The following PRKN variants were observed in gnomAD, a reference collection of about 807,000 sequenced individuals.
The protein encoded by PRKN is parkin RBR E3 ubiquitin protein ligase.
In PRKN, 56 loss-of-function variants were observed where a neutral mutation model predicts 59.5. The ratio of observed to expected loss-of-function variants is 0.94; its 90% CI spans 0.76 to 1.18. The LOEUF is 1.18. PRKN is among the 50% of genes most tolerant of loss of function. PRKN has a pLI of 0.00. For missense variants in PRKN, 657 were observed against 596.4 expected (o/e 1.10, Z -1.06); for synonymous variants, 250 against 222.1 (o/e 1.13, Z -1.12).
intron 7 of PRKN, among the ~76,000 whole-genome samples, chr6:161,626,190 A>G (rs1359639422): frequency 6.6e-6 from 1 of 152,156 alleles, no homozygotes; most frequent in African/African-American, 2.4e-5. Flanking sequence ...TGTTTGGTGA[A>G]CGAATAAGGA....
chr6:162,058,643 T>C (rs576517159), intron 4 of PRKN, among the ~76,000 whole-genome samples: 1 of 152,286 alleles, frequency 6.6e-6, no homozygotes, highest in African/African-American at 2.4e-5. Context: ...CACACCTACG[T>C]GGCAACAGCC....
In PRKN at chr6:161,557,532, T is replaced by C. The variant is rs1023469152; in HGVS notation, c.934-8529A>G. ...CATTAAAGGAACATGGGTAGTCACC[T>C]GAGAAGTGTGGCTATGGGGAAACCA... On this transcript the variant is annotated intron_variant, in intron 8 of 11. Coordinates refer to ENST00000366898, the MANE Select transcript of PRKN (RefSeq NM_004562.3). Among the ~76,000 whole-genome samples the C allele has an allele frequency of 3.3e-5, 5 of 152,252 alleles. No homozygotes were observed. The East Asian group carries it at 9.7e-4, about 29-fold the overall frequency.
rs140823940 is a variant in PRKN at position 161,468,576 on chromosome 6, G to A, written c.1083+80278C>T. On this transcript the variant is annotated intron_variant, in intron 9 of 11. Coordinates refer to ENST00000366898, the MANE Select transcript of PRKN (RefSeq NM_004562.3). This position sits in a 1 kb window ranked among gnomAD's most constrained non-coding sequence, Gnocchi z 5.9. ...CCTTTACTGAAATCTGCCCAATGTCGTCTGCTATTATTTCAAATACTCATA... is the reference window on the plus strand; with the variant it reads ...CCTTTACTGAAATCTGCCCAATGTCATCTGCTATTATTTCAAATACTCATA... Among the ~76,000 whole-genome samples the A allele has an allele frequency of 1.6e-3, 236 of 152,170 alleles. No homozygotes were observed. Among genetic ancestry groups the A allele is most frequent in the African/African-American group, 4.4e-3 (182 of 41,502 alleles).
At chr6:161,868,389 G>A (rs1294495355) in intron 6 of PRKN, among the ~76,000 whole-genome samples, 1 of 151,816 alleles carries the variant, frequency 6.6e-6, no homozygotes, top group Non-Finnish European at 1.5e-5. Flanking sequence ...GACCAGCCTG[G>A]CTAACGTGGC....
At chr6:162,692,431 A>G (rs1257738531) in intron 1 of PRKN, among the ~76,000 whole-genome samples, 4 of 152,194 alleles carry the variant, frequency 2.6e-5, no homozygotes, top group African/African-American at 9.7e-5. Context: ...TTTTATGCTA[A>G]CAATGTGATT....
intron 3 of PRKN, among the ~76,000 whole-genome samples, chr6:162,209,116 A>C: frequency 6.6e-6 from 1 of 152,194 alleles, no homozygotes; most frequent in Non-Finnish European, 1.5e-5. Flanking sequence ...ATTATACTAA[A>C]GAGCTTCTGC....
chr6:161,823,079 C>T (rs370151157), intron 6 of PRKN, among the ~76,000 whole-genome samples: 4 of 151,470 alleles, frequency 2.6e-5, no homozygotes, highest in Admixed American at 6.6e-5. Context: ...GGACGAGAAG[C>T]ACATGCTACT....
intron 4 of PRKN, among the ~76,000 whole-genome samples, chr6:162,156,389 G>C (rs936530982): frequency 6.6e-6 from 1 of 152,150 alleles, no homozygotes; most frequent in Admixed American, 6.5e-5. Context: ...TGAGGAGCAA[G>C]GAAGTCAGTC....
chr6:162,299,752 C>T (rs1282088834), intron 2 of PRKN, among the ~76,000 whole-genome samples: 2 of 151,954 alleles, frequency 1.3e-5, no homozygotes, highest in Non-Finnish European at 2.9e-5. Context: ...GGCCACTTTG[C>T]AGGAATTCTT....
intron 5 of PRKN, among the ~76,000 whole-genome samples, chr6:162,034,943 G>C (rs568414435): frequency 3.9e-4 from 59 of 152,282 alleles, no homozygotes; most frequent in African/African-American, 1.4e-3. Flanking sequence ...TGCTATAAAG[G>C]CATATCCGAG....
chr6:161,872,924 A>C (rs1196293532), intron 6 of PRKN, among the ~76,000 whole-genome samples: 4 of 151,110 alleles, frequency 2.6e-5, no homozygotes, highest in Non-Finnish European at 4.4e-5. Context: ...TTTTGGGTCC[A>C]ATTGTGAACT....
At chr6:162,721,080 T>C (rs984637246) in intron 1 of PRKN, among the ~76,000 whole-genome samples, 3 of 152,226 alleles carry the variant, frequency 2.0e-5, no homozygotes, top group African/African-American at 7.2e-5. Context: ...ACATATCAAA[T>C]CAATGTCAAC....
chr6:162,582,564 T>C (rs1780831602), intron 1 of PRKN, among the ~76,000 whole-genome samples: 2 of 152,184 alleles, frequency 1.3e-5, no homozygotes, highest in Non-Finnish European at 2.9e-5. Context: ...AAGTTCAAAT[T>C]TGCATGATAA....
intron 2 of PRKN, among the ~76,000 whole-genome samples, chr6:162,328,315 G>C (rs560614734): frequency 6.6e-6 from 1 of 152,040 alleles, no homozygotes; most frequent in African/African-American, 2.4e-5. Flanking sequence ...GCAGCGAGCC[G>C]AGATCGCACC....
At position 161,377,634 on chromosome 6, in the gene PRKN, A is replaced by G. The variant is rs979513531; in HGVS notation, c.1167+9160T>C. Among the ~76,000 whole-genome samples the G allele has an allele frequency of 6.6e-6, 1 of 152,132 alleles. No homozygotes were observed. Among genetic ancestry groups the G allele is most frequent in the Non-Finnish European group, 1.5e-5 (1 of 68,020 alleles). On this transcript the variant is annotated intron_variant, in intron 10 of 11. Transcript: ENST00000366898. The surrounding 1 kb of genome is among the most constrained non-coding windows in gnomAD (Gnocchi z 4.2). ...TGTCTCCCCAGATTCCTATGTCGAAACCTAATCACCAAGGCGGTGGGATTA... is the reference window on the plus strand; with the variant it reads ...TGTCTCCCCAGATTCCTATGTCGAAGCCTAATCACCAAGGCGGTGGGATTA...
intron 6 of PRKN, among the ~76,000 whole-genome samples, chr6:161,868,670 T>G (rs1794221397): frequency 6.6e-6 from 1 of 152,316 alleles, no homozygotes; most frequent in Admixed American, 6.5e-5. Flanking sequence ...AGCACAATCT[T>G]TAGGCCTCTT....
intron 5 of PRKN, among the ~76,000 whole-genome samples, chr6:162,031,747 C>T (rs1034707245): frequency 1.3e-5 from 2 of 152,046 alleles, no homozygotes; most frequent in Non-Finnish European, 2.9e-5. Flanking sequence ...CTAGGCTGGT[C>T]TCGAACTCCT....
At chr6:161,786,437 A>G (rs1790423245) in intron 6 of PRKN, among the ~76,000 whole-genome samples, 1 of 152,100 alleles carries the variant, frequency 6.6e-6, no homozygotes, top group Non-Finnish European at 1.5e-5. Context: ...TTTTTCCTCC[A>G]AAGTATTTTA....
chr6:162,397,971 A>C (rs933576597), intron 2 of PRKN, among the ~76,000 whole-genome samples: 1 of 150,712 alleles, frequency 6.6e-6, no homozygotes, highest in African/African-American at 2.4e-5. Flanking sequence ...TAGTACCTGG[A>C]CGTTGCAGTG....
Sources: gnomAD v4.1 joint callset for allele counts (sites outside exome capture counted in the v4.1 genomes callset) on GRCh38, gnomAD v4.1.1 for gene constraint, Gnocchi (gnomAD v3.1) non-coding constraint, MANE v1.5 for transcripts, NCBI Gene and HGNC (gene_info 2026-07-23, HGNC 2026-07-21) for gene names.